ARF5: variants seen among roughly 807,000 people sequenced by gnomAD.
The protein encoded by ARF5 is ADP-ribosylation factor 5.
Under a neutral mutation model 24.8 loss-of-function variants are expected in ARF5, and 10 were observed. The observed-to-expected ratio is 0.40, with a 90% CI of 0.25 to 0.68. The LOEUF (loss-of-function observed/expected upper bound fraction) is 0.68. Ranked by LOEUF, ARF5 falls within the 30% of genes least tolerant of loss-of-function variation. The probability of loss-of-function intolerance (pLI) is 0.36; values close to 1 mark genes in which losing one functional copy is unlikely to be tolerated. For synonymous variants in ARF5, 102 were observed against 95.1 expected, an observed-to-expected ratio of 1.07 and a Z score of -0.42; for missense variants, 135 against 239.2, an observed-to-expected ratio of 0.56 and a Z score of 2.87.
Position 127,590,953 on chromosome 7 carries a change from C to A in ARF5, c.331-10C>A. 6.2e-7 allele frequency: 1 copy of A among 1,611,054 alleles called. No individual in the cohort carries two copies. Among genetic ancestry groups the A allele is most frequent in the Non-Finnish European group, 8.5e-7 (1 of 1,178,302 alleles). ...CAGCCTGGGTCCCACCTTCTCTTCT[C>A]CTCTCTCAGCTGCAGGAGGACGAGC... On this transcript the variant is annotated splice_polypyrimidine_tract_variant and intron_variant, in intron 4 of 5. Coordinates refer to ENST00000000233, the MANE Select transcript of ARF5 (RefSeq NM_001662.4).
Position 127,588,687 on chromosome 7 carries a change from GC to G in ARF5, c.67+126del, listed in dbSNP as rs1209696532. On this transcript the variant is annotated intron_variant, in intron 1 of 5. Coordinates refer to ENST00000000233, the MANE Select transcript of ARF5 (RefSeq NM_001662.4). Reference sequence around the variant, plus strand: ...GGCCCCGAGTCACCCACCTCATAACGCCCCGGGGCCTCTGCTCTCGGGCGGG... The same window carrying G: ...GGCCCCGAGTCACCCACCTCATAACGCCCGGGGCCTCTGCTCTCGGGCGGG... 1.2e-5 allele frequency: 11 copies of G among 942,780 alleles called. No homozygotes were observed. In the East Asian group the frequency reaches 2.6e-4, roughly 22 times the overall value. The allele number at this position is 942,780 out of a possible 1,614,324, so 58.4% of individuals were successfully genotyped here.
intron 2 of ARF5, 60 bp downstream of exon 2, chr7:127,589,223 T>A: frequency 6.3e-7 from 1 of 1,576,452 alleles, no homozygotes; most frequent in Non-Finnish European, 8.7e-7. Flanking sequence ...CGGGGTCTGC[T>A]CCCAGTTCTG....
Position 127,591,395 on chromosome 7 carries a change from A to C in ARF5, c.*96A>C. The C allele has an allele frequency of 2.7e-6, 3 of 1,095,708 alleles. No individual in the cohort carries two copies. The highest frequency in any genetic ancestry group is 2.5e-6 in the Non-Finnish European group (2 of 786,000). The allele number at this position is 1,095,708 out of a possible 1,614,324, so 67.9% of individuals were successfully genotyped here. A position where few individuals can be genotyped will look rare whatever the true frequency, so the allele number is the denominator to read the frequency against. On this transcript the variant is annotated 3_prime_UTR_variant, in exon 6 of 6. Transcript: ENST00000000233. ...TCCTCAGGCAGTGCCCTTTCCTCCC[A>C]CTTTTCCTCCCCCATAGCCACAGGC...
intron 3 of ARF5, 110 bp from the exon 4 acceptor site, chr7:127,589,956 A>T (rs924610253): frequency 3.3e-5 from 33 of 986,448 alleles, no homozygotes; most frequent in African/African-American, 4.8e-5. Context: ...AGTTTACTAG[A>T]TGAGAAGGAT....
At chr7:127,589,860 A>T in intron 3 of ARF5, 1 of 612,560 alleles carries the variant, frequency 1.6e-6, no homozygotes, top group Non-Finnish European at 2.9e-6. Context: ...ACATCTTTGG[A>T]TAAACTACTT....
At chr7:127,589,707 C>T (rs182359215) in intron 3 of ARF5, 113 bp downstream of exon 3, 184 of 755,216 alleles carry the variant, frequency 2.4e-4, no homozygotes, top group Admixed American at 2.0e-3. Context: ...CCCTTCCCCA[C>T]TTCTACCCCT....
chr7:127,591,529 G>A lies in ARF5; in HGVS notation c.*230G>A. 1 of 487,118 alleles carries A rather than the reference G, an allele frequency of 2.1e-6. No individual in the cohort carries two copies. The highest frequency in any genetic ancestry group is 3.6e-6 in the Non-Finnish European group (1 of 279,524). 30.2% of individuals were successfully genotyped at this position (487,118 alleles called of 1,614,324 possible). A position where few individuals can be genotyped will look rare whatever the true frequency, so the allele number is the denominator to read the frequency against. On this transcript the variant is annotated 3_prime_UTR_variant, in exon 6 of 6. Coordinates refer to ENST00000000233, the MANE Select transcript of ARF5 (RefSeq NM_001662.4). Reference sequence around the variant, plus strand: ...CTGCCTGCTGGGACCTATGGAAGGGGCTTCCTGGCCAAGGCCCCCTCTTCC... The same window carrying A: ...CTGCCTGCTGGGACCTATGGAAGGGACTTCCTGGCCAAGGCCCCCTCTTCC...
chr7:127,589,462 CT>C, intron 2 of ARF5, 22 bp from the exon 3 acceptor site: 7 of 1,568,774 alleles, frequency 4.5e-6, no homozygotes, highest in Admixed American at 1.7e-5. Context: ...GTTTTCTCAT[CT>C]TTTTTTTCCA....
intron 2 of ARF5, 97 bp downstream of exon 2, chr7:127,589,260 C>A: frequency 7.2e-7 from 1 of 1,381,060 alleles, no homozygotes; most frequent in Non-Finnish European, 1.0e-6. Flanking sequence ...GACCCTGACA[C>A]CAGATACAGC....
chr7:127,589,200 C>T, intron 2 of ARF5, 37 bp downstream of exon 2: 2 of 1,609,624 alleles, frequency 1.2e-6, no homozygotes, highest in South Asian at 1.1e-5. Flanking sequence ...GGGAGCGCCG[C>T]GGCGGGCCCT....
chr7:127,590,965 G>T lies in ARF5; in HGVS notation c.333G>T (p.Leu111=), dbSNP rs1282595544. The T allele has an allele frequency of 8.1e-6, 13 of 1,612,868 alleles. No individual in the cohort carries two copies. Among genetic ancestry groups the T allele is most frequent in the Non-Finnish European group, 9.3e-6 (11 of 1,179,312 alleles). ...CACCTTCTCTTCTCCTCTCTCAGCT[G>T]CAGGAGGACGAGCTGCGGGATGCAG... ...QESADELQKM[L]QEDELRDAVL... The change falls in exon 5 of 6, where the codon CTG becomes CTT. Residue 111 remains leucine, a splice_region_variant and synonymous_variant. Transcript: ENST00000000233.
At chr7:127,590,014 A>G (rs1794260219) in intron 3 of ARF5, 52 bp from the exon 4 acceptor site, 6 of 1,469,802 alleles carry the variant, frequency 4.1e-6, no homozygotes, top group Non-Finnish European at 5.7e-6. Context: ...ACACTACGGT[A>G]TGTCCCAGGC....
At chr7:127,590,820 C>T (rs935191301) in intron 4 of ARF5, 143 bp from the exon 5 acceptor site, 12 of 1,135,606 alleles carry the variant, frequency 1.1e-5, no homozygotes, top group Non-Finnish European at 1.5e-5. Context: ...ACCTCAAGCT[C>T]ATTTACAACT....
chr7:127,588,695 GC>G, intron 1 of ARF5, 130 bp downstream of exon 1: 1 of 917,890 alleles, frequency 1.1e-6, no homozygotes. Flanking sequence ...ACGCCCCGGG[GC>G]CTCTGCTCTC....
chr7:127,589,622 C>T (rs1794254938), intron 3 of ARF5, 28 bp downstream of exon 3: 2 of 1,551,142 alleles, frequency 1.3e-6, no homozygotes, highest in Non-Finnish European at 1.8e-6. Context: ...GACTTTCTAA[C>T]CCCACGGGAA....
chr7:127,588,748 C>T (rs1320640730), intron 1 of ARF5, 183 bp downstream of exon 1: 6 of 634,154 alleles, frequency 9.5e-6, no homozygotes, highest in Non-Finnish European at 1.5e-5. Context: ...GGGCCTGACA[C>T]CCGGAGCTGC....
chr7:127,590,150 A>G lies in ARF5; in HGVS notation c.330+13A>G. 6.2e-7 allele frequency: 1 copy of G among 1,610,146 alleles called. No homozygotes were observed. The highest frequency in any genetic ancestry group is 8.5e-7 in the Non-Finnish European group (1 of 1,176,502). The stretch of plus-strand genomic sequence containing the variant: ...ACTCCAGAAGATGGTGAGTACCCAG[A>G]GCCCTGGGAACTGAGCCCTCAGCTT... On this transcript the variant is annotated intron_variant, in intron 4 of 5. Coordinates refer to ENST00000000233, the MANE Select transcript of ARF5 (RefSeq NM_001662.4).
chr7:127,589,452 G>C, intron 2 of ARF5, 33 bp from the exon 3 acceptor site: 10 of 1,545,156 alleles, frequency 6.5e-6, no homozygotes, highest in Non-Finnish European at 8.9e-6. Context: ...TCTTTCAGGA[G>C]TTTTCTCATC....
intron 1 of ARF5, 163 bp from the exon 2 acceptor site, chr7:127,588,920 A>G: frequency 7.6e-6 from 6 of 785,944 alleles, no homozygotes; most frequent in Non-Finnish European, 1.2e-5. Flanking sequence ...GGCTCACGCC[A>G]CCCGACTGCC....
Sources: gnomAD v4.1 joint callset for allele counts on GRCh38, gnomAD v4.1.1 for gene constraint, MANE v1.5 for transcripts, NCBI Gene and HGNC (gene_info 2026-07-23, HGNC 2026-07-21) for gene names.